The following ASXL3 variants were observed in gnomAD, a reference collection of about 807,000 sequenced individuals.
ASXL3 encodes putative Polycomb group protein ASXL3.
In ASXL3, 34 loss-of-function variants were observed where a neutral mutation model predicts 170.6. The ratio of observed to expected loss-of-function variants is 0.20; its 90% CI spans 0.15 to 0.27. The LOEUF is 0.27. Ranked by LOEUF, ASXL3 falls within the 10% of genes least tolerant of loss-of-function variation. The probability of loss-of-function intolerance (pLI) is 1.00; values close to 1 mark genes in which losing one functional copy is unlikely to be tolerated. For missense variants in ASXL3, 2,592 were observed against 2,695.3 expected, an observed-to-expected ratio of 0.96 and a Z score of 0.85; for synonymous variants, 1,002 against 989.1, an observed-to-expected ratio of 1.01 and a Z score of -0.24.
intron 2 of ASXL3, among the ~76,000 whole-genome samples, chr18:33,616,382 G>A (rs1599400090): frequency 6.9e-6 from 1 of 144,514 alleles, no homozygotes; most frequent in Non-Finnish European, 1.5e-5. Flanking sequence ...AGAAATTCAA[G>A]GACTGTTGTG....
intron 8 of ASXL3, among the ~76,000 whole-genome samples, chr18:33,693,499 A>G (rs959690544): frequency 5.9e-5 from 9 of 152,168 alleles, no homozygotes; most frequent in African/African-American, 2.2e-4. Context: ...AAAATGCAGT[A>G]GAAAGTGGGA....
chr18:33,643,982 A>G (rs1185699589), intron 2 of ASXL3, among the ~76,000 whole-genome samples: 1 of 151,922 alleles, frequency 6.6e-6, no homozygotes, highest in Non-Finnish European at 1.5e-5. Context: ...TTAAAAGGCA[A>G]TAATTGTAGC....
intron 8 of ASXL3, among the ~76,000 whole-genome samples, chr18:33,691,451 C>A (rs1599500461): frequency 6.6e-6 from 1 of 152,080 alleles, no homozygotes; most frequent in Non-Finnish European, 1.5e-5. Flanking sequence ...GACTGGCAGA[C>A]CTTGTGAGGA....
chr18:33,670,592 G>A, intron 5 of ASXL3, 81 bp from the exon 6 acceptor site: 3 of 1,064,886 alleles, frequency 2.8e-6, no homozygotes, highest in Non-Finnish European at 4.0e-6. Flanking sequence ...TGTAATGATG[G>A]ACAAATGAGT....
intron 8 of ASXL3, among the ~76,000 whole-genome samples, chr18:33,718,220 G>A (rs1009567031): frequency 5.3e-5 from 8 of 152,086 alleles, no homozygotes; most frequent in East Asian, 3.9e-4. Context: ...TTTCTAATCC[G>A]TCATCTTTGG....
chr18:33,716,674 C>T (rs867629086), intron 8 of ASXL3, among the ~76,000 whole-genome samples: 1 of 152,044 alleles, frequency 6.6e-6, no homozygotes, highest in African/African-American at 2.4e-5. Context: ...TTTATGAAAC[C>T]GTACCCTTAT....
At chr18:33,717,754 GT>G (rs1170458375) in intron 8 of ASXL3, among the ~76,000 whole-genome samples, 1 of 151,960 alleles carries the variant, frequency 6.6e-6, no homozygotes, top group Non-Finnish European at 1.5e-5. Context: ...GTTTGGTTTA[GT>G]TTTTTTGGCC....
Position 33,740,026 on chromosome 18 carries a change from A to C in ASXL3, c.2622A>C (p.Lys874Asn). 1 of 1,613,874 alleles carries C rather than the reference A, an allele frequency of 6.2e-7. No individual in the cohort carries two copies. Among genetic ancestry groups the C allele is most frequent in the Non-Finnish European group, 8.5e-7 (1 of 1,179,852 alleles). Residue 874 changes from lysine (K) to asparagine (N), a missense_variant, in exon 11 of 12, where the codon AAA (lysine) becomes AAC (asparagine). Lys to Asn is a moderately conservative substitution (Grantham distance 94). Around this residue, in one of 4 missense-constraint regions of ASXL3, gnomAD observed 2,246 missense variants for 2,219.6 expected, o/e 1.01. Coordinates refer to ENST00000269197, the MANE Select transcript of ASXL3 (RefSeq NM_030632.3). ...ATAGCGTCCTGCAAAGAACAGAAAA[A>C]AAAGTGTTACCTTCACCATTGGAAT... ...KNHSVLQRTE[K>N]KVLPSPLELS...
intron 2 of ASXL3, among the ~76,000 whole-genome samples, chr18:33,611,212 A>G (rs1161529315): frequency 6.6e-6 from 1 of 151,982 alleles, no homozygotes; most frequent in Admixed American, 6.6e-5. Flanking sequence ...GTAGAGTAGG[A>G]TTGAATTCTA....
At chr18:33,599,915 T>C (rs1254999242) in intron 1 of ASXL3, among the ~76,000 whole-genome samples, 1 of 152,138 alleles carries the variant, frequency 6.6e-6, no homozygotes, top group Non-Finnish European at 1.5e-5. Context: ...AGTGACAATG[T>C]GAGGTGGCTG....
chr18:33,739,962 C>T lies in ASXL3; in HGVS notation c.2558C>T (p.Pro853Leu), dbSNP rs766653963. The part of the protein sequence containing the change: ...DTEKPYPASI[P>L]ELASTEMIKV... ...GAGAAGCCCTACCCTGCTTCAATTC[C>T]AGAACTTGCTTCTACTGAAATGATA... Residue 853 changes from proline (P) to leucine (L), a missense_variant, in exon 11 of 12, where the codon CCA becomes CTA. Coordinates refer to ENST00000269197, the MANE Select transcript of ASXL3 (RefSeq NM_030632.3). 3.1e-6 allele frequency: 5 copies of T among 1,613,772 alleles called. 1 individual carries two copies. In the Admixed American group the frequency reaches 8.3e-5, roughly 27 times the overall value.
intron 8 of ASXL3, among the ~76,000 whole-genome samples, chr18:33,724,882 A>C (rs547954082): frequency 1.3e-5 from 2 of 152,076 alleles, no homozygotes; most frequent in African/African-American, 4.8e-5. Flanking sequence ...TTGCTGATCT[A>C]TCTCCTTTAG....
In ASXL3 at chr18:33,739,287, C is replaced by T. The variant is rs267605173; in HGVS notation, c.1883C>T (p.Pro628Leu). 8 of 1,613,596 alleles carry T rather than the reference C, an allele frequency of 5.0e-6. No homozygotes were observed. In the South Asian group the frequency reaches 7.7e-5, roughly 16 times the overall value. The change falls in exon 11 of 12, where the codon CCA becomes CTA. Residue 628 changes from proline (P) to leucine (L), a missense_variant. Physicochemically the swap from Pro to Leu is moderately conservative, Grantham distance 98. Transcript: ENST00000269197. The stretch of plus-strand genomic sequence containing the variant: ...GGAGCCTGTACCAGCCTGCCTTCTC[C>T]AGGAGGGGAAACACAGTCCACATCA... Reference protein sequence around the residue: ...PEGACTSLPSPGGETQSTSEE... With the variant: ...PEGACTSLPSLGGETQSTSEE...
intron 2 of ASXL3, among the ~76,000 whole-genome samples, chr18:33,632,265 T>A (rs1414237668): frequency 6.6e-6 from 1 of 152,120 alleles, no homozygotes; most frequent in East Asian, 1.9e-4. Context: ...CTTTCTTTGA[T>A]CTTAGTAATA....
In ASXL3 at chr18:33,738,372, T is replaced by C. The variant is rs1845385; in HGVS notation, c.1083-115T>C. The C allele has an allele frequency of 0.53, 574,766 of 1,078,268 alleles. 158,409 individuals are homozygous for C. The highest frequency in any genetic ancestry group is 0.91 in the East Asian group (34,855 of 38,442). The allele number at this position is 1,078,268 out of a possible 1,614,324, so 66.8% of individuals were successfully genotyped here. A position where few individuals can be genotyped will look rare whatever the true frequency, so the allele number is the denominator to read the frequency against. ...TTACATAAATTAAGCATGTTAATGA[T>C]TATAAATGTAATTTGATGCATTTAC... On this transcript the variant is annotated intron_variant, in intron 10 of 11. Coordinates refer to ENST00000269197, the MANE Select transcript of ASXL3 (RefSeq NM_030632.3).
At chr18:33,723,347 G>A (rs1312925427) in intron 8 of ASXL3, among the ~76,000 whole-genome samples, 1 of 152,038 alleles carries the variant, frequency 6.6e-6, no homozygotes, top group African/African-American at 2.4e-5. Flanking sequence ...CGTGGGAGGA[G>A]GTCAAAATAG....
intron 8 of ASXL3, among the ~76,000 whole-genome samples, chr18:33,695,258 T>G (rs2066754407): frequency 6.6e-6 from 1 of 152,148 alleles, no homozygotes; most frequent in African/African-American, 2.4e-5. Context: ...GAAATGTAAT[T>G]ATTTTAATGG....
At chr18:33,580,806 A>G (rs893712031) in intron 1 of ASXL3, among the ~76,000 whole-genome samples, 1 of 152,232 alleles carries the variant, frequency 6.6e-6, no homozygotes, top group Non-Finnish European at 1.5e-5. Flanking sequence ...AACCAGACAT[A>G]TTGAACTAGT....
intron 7 of ASXL3, among the ~76,000 whole-genome samples, chr18:33,676,222 CAAAAAAAAAA>C (rs568221465): frequency 4.8e-5 from 2 of 41,732 alleles, no homozygotes; most frequent in African/African-American, 9.8e-5. Flanking sequence ...GACTCCGTCT[CAAAAAAAAAA>C]AAAAAAAAAA....
Sources: gnomAD v4.1 joint callset for allele counts (sites outside exome capture counted in the v4.1 genomes callset) on GRCh38, gnomAD v4.1.1 for gene constraint, gnomAD v4.1.1 regional missense constraint, MANE v1.5 for transcripts, NCBI Gene and HGNC (gene_info 2026-07-23, HGNC 2026-07-21) for gene names.